SLC25A44: variants seen among roughly 807,000 people sequenced by gnomAD.
SLC25A44 encodes solute carrier family 25 member 44.
In SLC25A44, 17 loss-of-function variants were observed where a neutral mutation model predicts 29.9. That is an observed-to-expected ratio of 0.57 (90% CI 0.39 to 0.85). The LOEUF is 0.85. Among genes scored for constraint, SLC25A44 ranks in the 40% least tolerant of loss-of-function variants. The pLI, the probability that SLC25A44 is intolerant of heterozygous loss-of-function variation, is 0.00. For synonymous variants in SLC25A44, 140 were observed against 151.8 expected (o/e 0.92, Z 0.57); for missense variants, 302 against 398.4 (o/e 0.76, Z 2.06).
intron 2 of SLC25A44, among the ~76,000 whole-genome samples, chr1:156,202,472 A>G (rs1656644073): frequency 6.6e-6 from 1 of 151,806 alleles, no homozygotes; most frequent in African/African-American, 2.4e-5. Flanking sequence ...CTGGGCAGGT[A>G]GTGCACAATT....
At chr1:156,199,565 G>T in intron 1 of SLC25A44, 1 of 464,104 alleles carries the variant, frequency 2.2e-6, no homozygotes. Context: ...CATGGAGCCA[G>T]GGGAATCATT....
At chr1:156,200,494 G>A (rs774825727) in intron 2 of SLC25A44, 22 bp downstream of exon 2, 4 of 1,562,346 alleles carry the variant, frequency 2.6e-6, no homozygotes, top group Non-Finnish European at 3.5e-6. Flanking sequence ...CCAGGACAGT[G>A]GGGGAGGAAG....
chr1:156,203,955 C>T (rs1330105972), intron 2 of SLC25A44, among the ~76,000 whole-genome samples: 3 of 151,618 alleles, frequency 2.0e-5, no homozygotes, highest in African/African-American at 4.8e-5. Context: ...CCGCCCGCCT[C>T]GGCCTCCCGA....
intron 1 of SLC25A44, among the ~76,000 whole-genome samples, chr1:156,195,577 G>A (rs1453707169): frequency 6.6e-6 from 1 of 152,210 alleles, no homozygotes; most frequent in Non-Finnish European, 1.5e-5. Flanking sequence ...ACCAGCGGAC[G>A]GCATTCGCTG....
intron 1 of SLC25A44, chr1:156,197,753 T>C (rs949116712): frequency 1.3e-5 from 2 of 151,590 alleles, no homozygotes; most frequent in African/African-American, 4.9e-5. Context: ...CGAGACTCCG[T>C]CTGAAAAAAA....
intron 2 of SLC25A44, among the ~76,000 whole-genome samples, chr1:156,203,947 G>A (rs1233702712): frequency 1.3e-5 from 2 of 150,916 alleles, no homozygotes; most frequent in Non-Finnish European, 2.9e-5. Context: ...CTTGTGATCC[G>A]CCCGCCTCGG....
intron 1 of SLC25A44, among the ~76,000 whole-genome samples, chr1:156,195,345 C>T (rs1398483826): frequency 1.3e-5 from 2 of 151,990 alleles, no homozygotes; most frequent in African/African-American, 2.4e-5. Context: ...CCTCGTGGTC[C>T]GCCCGCCTCG....
At chr1:156,196,088 T>C (rs2103029549) in intron 1 of SLC25A44, 1 of 152,336 alleles carries the variant, frequency 6.6e-6, no homozygotes, top group Non-Finnish European at 1.5e-5. Context: ...ATTGGAGCCA[T>C]GCACATGAGG....
Position 156,198,749 on chromosome 1 carries a change from C to G in SLC25A44, c.-13-1086C>G, listed in dbSNP as rs555186580. On this transcript the variant is annotated intron_variant, in intron 1 of 3. Transcript: ENST00000359511. The surrounding 1 kb of genome is among the most constrained non-coding windows in gnomAD (Gnocchi z 4.1). The stretch of plus-strand genomic sequence containing the variant: ...TATAGGCGTGAGCCACTGTGTCCAG[C>G]CTTTTCCTCTGTATCTTGTATCCAT... 1 of 152,412 alleles carries G rather than the reference C, an allele frequency of 6.6e-6. No individual in the cohort carries two copies. Among genetic ancestry groups the G allele is most frequent in the East Asian group, 1.9e-4 (1 of 5,186 alleles). The allele number at this position is 152,412 out of a possible 1,614,324, so 9.4% of individuals were successfully genotyped here.
At chr1:156,206,577 G>A (rs1656944912) in intron 2 of SLC25A44, among the ~76,000 whole-genome samples, 1 of 151,662 alleles carries the variant, frequency 6.6e-6, no homozygotes, top group African/African-American at 2.4e-5. Context: ...CTGATGCCCA[G>A]GCTGCAGTGC....
At chr1:156,206,738 G>A (rs949997240) in intron 2 of SLC25A44, among the ~76,000 whole-genome samples, 1 of 151,850 alleles carries the variant, frequency 6.6e-6, no homozygotes, top group African/African-American at 2.4e-5. Flanking sequence ...TCACCATGTT[G>A]TCCAGTCTGG....
intron 1 of SLC25A44, chr1:156,197,910 G>T (rs1320849988): frequency 6.6e-6 from 1 of 152,128 alleles, no homozygotes; most frequent in Non-Finnish European, 1.5e-5. Flanking sequence ...AAAGTTATAC[G>T]GTCCAGCTCA....
intron 1 of SLC25A44, chr1:156,197,229 GCCC>G (rs1352160657): frequency 6.6e-6 from 1 of 152,214 alleles, no homozygotes; most frequent in African/African-American, 2.4e-5. Flanking sequence ...GGAGAATATT[GCCC>G]CACAGGGCTT....
At chr1:156,194,805 T>A (rs1656104641) in intron 1 of SLC25A44, among the ~76,000 whole-genome samples, 1 of 152,208 alleles carries the variant, frequency 6.6e-6, no homozygotes, top group African/African-American at 2.4e-5. Flanking sequence ...ATTCCCTGTT[T>A]CCAGCTGAGA....
chr1:156,199,721 GGT>G, intron 1 of SLC25A44, 112 bp from the exon 2 acceptor site: 1 of 836,186 alleles, frequency 1.2e-6, no homozygotes, highest in South Asian at 1.7e-5. Flanking sequence ...GCTTTGGGCA[GGT>G]GAGTGTCCAG....
At chr1:156,195,285 A>G (rs1286794313) in intron 1 of SLC25A44, among the ~76,000 whole-genome samples, 1 of 151,964 alleles carries the variant, frequency 6.6e-6, no homozygotes, top group Non-Finnish European at 1.5e-5. Context: ...TTGTATTTTT[A>G]GTAGAGACGG....
At chr1:156,207,238 C>A (rs531432272) in intron 2 of SLC25A44, among the ~76,000 whole-genome samples, 2 of 149,676 alleles carry the variant, frequency 1.3e-5, no homozygotes, top group African/African-American at 4.9e-5. Flanking sequence ...AGTGCAGTGG[C>A]GCGATCTTGG....
rs1468664087 is a variant in SLC25A44, at chr1:156,200,129, T to C, written c.282T>C (p.Tyr94=). 5.6e-6 allele frequency: 9 copies of C among 1,613,988 alleles called. No individual in the cohort carries two copies. Among genetic ancestry groups the C allele is most frequent in the East Asian group, 2.2e-5 (1 of 44,890 alleles). Residue 94 remains tyrosine, a synonymous_variant, in exon 2 of 4, where the codon TAT becomes TAC. Transcript: ENST00000359511. The stretch of plus-strand genomic sequence containing the variant: ...CTGGCCAGTGTTATGTCACCACTTA[T>C]GAGCTCACCCGGAAGTTTGTAGCTG... ...LISGQCYVTT[Y]ELTRKFVADY...
intron 2 of SLC25A44, among the ~76,000 whole-genome samples, chr1:156,201,987 C>G (rs1387525631): frequency 6.6e-6 from 1 of 152,226 alleles, no homozygotes; most frequent in Non-Finnish European, 1.5e-5. Flanking sequence ...CATCTACATG[C>G]ATCAACTTAT....
Sources: allele counts gnomAD v4.1 joint callset (sites outside exome capture counted in the v4.1 genomes callset), GRCh38; gene constraint gnomAD v4.1.1; non-coding constraint Gnocchi (gnomAD v3.1); transcripts MANE v1.5; gene names NCBI Gene and HGNC (gene_info 2026-07-23, HGNC 2026-07-21).